Variants in SLC26A4 observed in about 807,000 individuals in gnomAD.
The protein encoded by SLC26A4 is solute carrier family 26 member 4.
A neutral mutation model predicts 90.4 loss-of-function variants in SLC26A4; 93 were observed. That is an observed-to-expected ratio of 1.03 (90% CI 0.87 to 1.22). SLC26A4 has a LOEUF of 1.22. Among genes scored for constraint, SLC26A4 ranks in the 50% most tolerant of loss-of-function variants. The pLI is 0.00. For missense variants in SLC26A4, 1,127 were observed against 946.2 expected (o/e 1.19, Z -2.51); for synonymous variants, 393 against 354.6 (o/e 1.11, Z -1.22).
At chr7:107,686,077 A>C (rs1791389815) in intron 8 of SLC26A4, among the ~76,000 whole-genome samples, 1 of 147,908 alleles carries the variant, frequency 6.8e-6, no homozygotes, top group African/African-American at 2.5e-5. Flanking sequence ...CCTGGAATGC[A>C]GTGGCATGAT....
chr7:107,672,818 G>A (rs1439991192), intron 4 of SLC26A4, among the ~76,000 whole-genome samples: 1 of 152,186 alleles, frequency 6.6e-6, no homozygotes, highest in Non-Finnish European at 1.5e-5. Context: ...AAGTTTTCCT[G>A]CTATTCCTAA....
rs1791843478 is a variant in SLC26A4, at chr7:107,700,077, T to G, written c.1615-6T>G. On this transcript the variant is annotated splice_polypyrimidine_tract_variant and splice_region_variant and intron_variant, in intron 14 of 20. Transcript: ENST00000644269. ...TTTAATCCCAGACAATTTCTTTTAA[T>G]GCCAGATTGAAGAACCTCAAGGAGT... is the stretch of plus-strand genomic sequence containing the variant. The G allele has an allele frequency of 6.9e-7, 1 of 1,458,644 alleles. No individual in the cohort carries two copies. Among genetic ancestry groups the G allele is most frequent in the Non-Finnish European group, 9.6e-7 (1 of 1,038,436 alleles). 90.4% of individuals were successfully genotyped at this position (1,458,644 alleles called of 1,614,324 possible).
In SLC26A4 at chr7:107,683,330, C is replaced by T; in HGVS notation, c.894C>T (p.Val298=). 1 of 1,613,702 alleles carries T rather than the reference C, an allele frequency of 6.2e-7. No individual in the cohort carries two copies. The highest frequency in any genetic ancestry group is 1.1e-5 in the South Asian group (1 of 91,062). The change falls in exon 7 of 21, where the codon GTC becomes GTT. Residue 298 remains valine (V), a synonymous_variant. Coordinates refer to ENST00000644269, the MANE Select transcript of SLC26A4 (RefSeq NM_000441.2). ...LNDRFRHKIP[V]PIPIEVIVTI... ...ATCGGTTTAGACACAAAATCCCAGT[C>T]CCTATTCCTATAGAAGTAATTGTGG...
At chr7:107,672,661 A>G (rs1790906993) in intron 4 of SLC26A4, among the ~76,000 whole-genome samples, 1 of 152,158 alleles carries the variant, frequency 6.6e-6, no homozygotes, top group South Asian at 2.1e-4. Context: ...TAACTTAGAA[A>G]TTACTAAGTA....
At chr7:107,668,969 T>C (rs750297163) in intron 3 of SLC26A4, among the ~76,000 whole-genome samples, 80 of 152,064 alleles carry the variant, frequency 5.3e-4, no homozygotes, top group Non-Finnish European at 9.0e-4. Context: ...TTTCTTCTAA[T>C]TTTTTTTCTT....
intron 20 of SLC26A4, among the ~76,000 whole-genome samples, chr7:107,713,389 A>G (rs190083367): frequency 2.6e-5 from 4 of 152,340 alleles, no homozygotes; most frequent in African/African-American, 7.2e-5. Context: ...ACTTGTGCTT[A>G]CAGAACTCAA....
Position 107,661,635 on chromosome 7 carries a change from G to T in SLC26A4, c.-3-4G>T. 6.4e-7 allele frequency: 1 copy of T among 1,557,718 alleles called. No individual in the cohort carries two copies. Among genetic ancestry groups the T allele is most frequent in the Non-Finnish European group, 8.6e-7 (1 of 1,157,060 alleles). On this transcript the variant is annotated splice_region_variant and splice_polypyrimidine_tract_variant and intron_variant, in intron 1 of 20. Transcript: ENST00000644269. This position sits in a 1 kb window ranked among gnomAD's most constrained non-coding sequence, Gnocchi z 5.1. ...CTCCCTCCTCGCTGTCCTCTGGCTC[G>T]CAGGTCATGGCAGCGCCAGGCGGCA...
At chr7:107,681,564 A>T in intron 6 of SLC26A4, among the ~76,000 whole-genome samples, 1 of 146,388 alleles carries the variant, frequency 6.8e-6, no homozygotes, top group East Asian at 2.0e-4. Flanking sequence ...AAAAAAGCTC[A>T]TTTAAAGAAA....
At chr7:107,684,736 C>T (rs1439989609) in intron 8 of SLC26A4, among the ~76,000 whole-genome samples, 1 of 152,158 alleles carries the variant, frequency 6.6e-6, no homozygotes, top group African/African-American at 2.4e-5. Context: ...TCAAGTGATT[C>T]TTGCCCTCAA....
At chr7:107,681,853 G>A (rs1422303602) in intron 6 of SLC26A4, among the ~76,000 whole-genome samples, 1 of 151,838 alleles carries the variant, frequency 6.6e-6, no homozygotes, top group South Asian at 2.1e-4. Flanking sequence ...GAGAGGTTGG[G>A]CAGGAGGATT....
At chr7:107,681,211 A>G (rs1170939586) in intron 6 of SLC26A4, among the ~76,000 whole-genome samples, 2 of 152,152 alleles carry the variant, frequency 1.3e-5, no homozygotes, top group African/African-American at 2.4e-5. Context: ...GAGCAAAAGT[A>G]CCCTCTGAGT....
At chr7:107,713,505 G>A (rs777596812) in intron 20 of SLC26A4, among the ~76,000 whole-genome samples, 1 of 152,150 alleles carries the variant, frequency 6.6e-6, no homozygotes, top group African/African-American at 2.4e-5. Context: ...TAGTTCTCAT[G>A]TCTCCAGCAG....
At chr7:107,694,536 A>G in intron 11 of SLC26A4, 56 bp downstream of exon 11, 3 of 1,526,996 alleles carry the variant, frequency 2.0e-6, no homozygotes, top group African/African-American at 1.4e-5. Context: ...CTACTCTGCT[A>G]CCAGATAAAT....
chr7:107,697,178 G>A (rs2129317362), intron 13 of SLC26A4, among the ~76,000 whole-genome samples: 1 of 152,294 alleles, frequency 6.6e-6, no homozygotes, highest in East Asian at 1.9e-4. Context: ...ATGCCTCAGT[G>A]TCTATTTTTT....
rs1431743796 is a variant in SLC26A4 at position 107,661,241 on chromosome 7, C to G, written c.-4+386C>G. ...AGGGAGGGAATCTCAGTGTCCCCTTCCAGCCTTGCAAGCGCCTTTGGCCCC... is the reference window on the plus strand; with the variant it reads ...AGGGAGGGAATCTCAGTGTCCCCTTGCAGCCTTGCAAGCGCCTTTGGCCCC... On this transcript the variant is annotated intron_variant, in intron 1 of 20. Transcript: ENST00000644269. This position sits in a 1 kb window ranked among gnomAD's most constrained non-coding sequence, Gnocchi z 5.1. 1 of 263,864 alleles carries G rather than the reference C, an allele frequency of 3.8e-6. No individual in the cohort carries two copies. Among genetic ancestry groups the G allele is most frequent in the Non-Finnish European group, 7.3e-6 (1 of 136,568 alleles). 16.3% of individuals were successfully genotyped at this position (263,864 alleles called of 1,614,324 possible). A position where few individuals can be genotyped will look rare whatever the true frequency, so the allele number is the denominator to read the frequency against.
At chr7:107,697,154 C>G (rs1050280298) in intron 13 of SLC26A4, among the ~76,000 whole-genome samples, 2 of 152,176 alleles carry the variant, frequency 1.3e-5, no homozygotes, top group African/African-American at 4.8e-5. Flanking sequence ...AAGATGCTGT[C>G]TCTCATGCTG....
chr7:107,674,467 A>G, intron 5 of SLC26A4, 119 bp downstream of exon 5: 3 of 861,426 alleles, frequency 3.5e-6, no homozygotes, highest in Non-Finnish European at 5.6e-6. Context: ...GGAACCCAAA[A>G]TTATTTTCTA....
rs1218801311 is a variant in SLC26A4 at position 107,689,123 on chromosome 7, G to A, written c.1072G>A (p.Val358Met). Residue 358 changes from valine to methionine, a missense_variant, in exon 9 of 21, where the codon GTG (valine) becomes ATG (methionine). Coordinates refer to ENST00000644269, the MANE Select transcript of SLC26A4 (RefSeq NM_000441.2). ...GCTGGCTGCATCATTTTCCATCGCT[G>A]TGGTGGCTTATGCTATTGCAGTGTC... is the stretch of plus-strand genomic sequence containing the variant. ...EMLAASFSIA[V>M]VAYAIAVSVG... The A allele has an allele frequency of 1.1e-5, 17 of 1,613,798 alleles. No individual in the cohort carries two copies. The highest frequency in any genetic ancestry group is 1.4e-5 in the Non-Finnish European group (17 of 1,179,860).
chr7:107,693,607 G>A, intron 10 of SLC26A4: 2 of 985,458 alleles, frequency 2.0e-6, no homozygotes, highest in Non-Finnish European at 2.4e-6. Flanking sequence ...GAATTCATTG[G>A]TCATCTAATC....
Sources: allele counts gnomAD v4.1 joint callset (sites outside exome capture counted in the v4.1 genomes callset), GRCh38; gene constraint gnomAD v4.1.1; non-coding constraint Gnocchi (gnomAD v3.1); transcripts MANE v1.5; gene names NCBI Gene and HGNC (gene_info 2026-07-23, HGNC 2026-07-21).